NTM: variants seen among roughly 807,000 people sequenced by gnomAD.
NTM encodes the protein IgLON family member 2.
Under a neutral mutation model 42.1 loss-of-function variants are expected in NTM, and 13 were observed. The observed-to-expected ratio is 0.31, with a 90% CI of 0.20 to 0.49. The LOEUF (loss-of-function observed/expected upper bound fraction) is 0.49. Among genes scored for constraint, NTM ranks in the 20% least tolerant of loss-of-function variants. The pLI, the probability that NTM is intolerant of heterozygous loss-of-function variation, is 0.99. For missense variants in NTM, 373 were observed against 452.8 expected (o/e 0.82, Z 1.60); for synonymous variants, 187 against 179.2 (o/e 1.04, Z -0.35).
chr11:131,621,363 G>C (rs1461755026), intron 1 of NTM, among the ~76,000 whole-genome samples: 1 of 152,172 alleles, frequency 6.6e-6, no homozygotes, highest in African/African-American at 2.4e-5. Context: ...GAGATGAAGA[G>C]GGGAGAGGAG....
At chr11:132,124,239 G>C (rs568585618) in intron 2 of NTM, among the ~76,000 whole-genome samples, 1 of 152,102 alleles carries the variant, frequency 6.6e-6, no homozygotes, top group Admixed American at 6.5e-5. Context: ...TCTACTTCCC[G>C]GTGTCTCCTG....
intron 1 of NTM, among the ~76,000 whole-genome samples, chr11:131,511,956 C>A (rs1249938959): frequency 2.0e-5 from 3 of 152,144 alleles, no homozygotes; most frequent in Non-Finnish European, 4.4e-5. Flanking sequence ...ATTCTATGGT[C>A]CAGAATTTCC....
intron 1 of NTM, among the ~76,000 whole-genome samples, chr11:131,755,506 AAGT>A (rs1437784117): frequency 6.6e-6 from 1 of 152,226 alleles, no homozygotes; most frequent in Non-Finnish European, 1.5e-5. Flanking sequence ...AATAAACAAT[AAGT>A]AGTTTTAGTA....
intron 2 of NTM, among the ~76,000 whole-genome samples, chr11:132,051,847 A>T (rs546775544): frequency 6.6e-6 from 1 of 152,218 alleles, no homozygotes; most frequent in Non-Finnish European, 1.5e-5. Flanking sequence ...TGGAGAATGC[A>T]TCAAAGCTGG....
intron 1 of NTM, among the ~76,000 whole-genome samples, chr11:131,639,640 G>A (rs529774542): frequency 1.3e-5 from 2 of 152,144 alleles, no homozygotes; most frequent in Admixed American, 6.5e-5. Flanking sequence ...CCTGTCTTGG[G>A]AGAGGCTGGT....
chr11:132,037,138 G>A (rs1340234729), intron 2 of NTM, among the ~76,000 whole-genome samples: 4 of 152,110 alleles, frequency 2.6e-5, no homozygotes, highest in Non-Finnish European at 4.4e-5. Context: ...TTGGACCACC[G>A]GGATGGATCC....
chr11:131,504,844 C>T (rs996073016), intron 1 of NTM, among the ~76,000 whole-genome samples: 6 of 152,142 alleles, frequency 3.9e-5, no homozygotes, highest in Non-Finnish European at 7.3e-5. Flanking sequence ...TGCCTGCCTG[C>T]ACCCCGCTCC....
At chr11:131,876,773 C>T (rs977657220) in intron 1 of NTM, among the ~76,000 whole-genome samples, 3 of 152,128 alleles carry the variant, frequency 2.0e-5, no homozygotes, top group Admixed American at 6.5e-5. Flanking sequence ...ATGCTAGAAC[C>T]GTAGTGCAAA....
chr11:131,570,711 C>T (rs900859206), intron 1 of NTM, among the ~76,000 whole-genome samples: 2 of 152,142 alleles, frequency 1.3e-5, no homozygotes, highest in African/African-American at 2.4e-5. Context: ...TAGTCCCAGC[C>T]ACGCAGGAGC....
chr11:131,789,637 A>AGAAGG (rs2090488568), intron 1 of NTM, among the ~76,000 whole-genome samples: 2 of 24,396 alleles, frequency 8.2e-5, no homozygotes, highest in African/African-American at 1.4e-4. Flanking sequence ...AGAAGAAGAA[A>AGAAGG]AGAAGAAGAA....
chr11:131,445,689 C>T (rs1950003017), intron 1 of NTM, among the ~76,000 whole-genome samples: 1 of 152,154 alleles, frequency 6.6e-6, no homozygotes, highest in Admixed American at 6.5e-5. Context: ...AAATGATGAG[C>T]CTGGCAAGCA....
chr11:132,233,446 T>A (rs2088064681), intron 4 of NTM, among the ~76,000 whole-genome samples: 2 of 152,196 alleles, frequency 1.3e-5, no homozygotes, highest in Admixed American at 1.3e-4. Flanking sequence ...TCATTTCATG[T>A]CACTAGGGAT....
At chr11:131,984,418 G>C (rs1338401414) in intron 2 of NTM, 1 of 152,190 alleles carries the variant, frequency 6.6e-6, no homozygotes, top group East Asian at 1.9e-4. Flanking sequence ...TGATATTTTT[G>C]CCCCGGCAGT....
chr11:131,619,229 G>T (rs531662324), intron 1 of NTM, among the ~76,000 whole-genome samples: 2 of 152,198 alleles, frequency 1.3e-5, no homozygotes, highest in Admixed American at 6.5e-5. Flanking sequence ...GAAAGTGGAG[G>T]CAGTCAAATG....
intron 1 of NTM, among the ~76,000 whole-genome samples, chr11:131,390,904 G>T (rs181100116): frequency 4.6e-5 from 7 of 152,240 alleles, no homozygotes; most frequent in Admixed American, 4.6e-4. Context: ...AGCAGACCTG[G>T]TTACCTGGCC....
rs1178415921 is a variant in NTM at position 131,878,588 on chromosome 11, AAAAAAAATATATATATATATATATAT to A, written c.83-32974_83-32949del. On this transcript the variant is annotated intron_variant, in intron 1 of 8. Coordinates refer to ENST00000683400, the MANE Select transcript of NTM (RefSeq NM_001352005.2). ...CCATCTCAAAAAAAAAAAAAAAAAA[AAAAAAAATATATATATATATATATAT>A]ATATATATATATATATATATATATA... Among the ~76,000 whole-genome samples the A allele has an allele frequency of 5.2e-4, 28 of 54,110 alleles. 2 individuals are homozygous for A. Among genetic ancestry groups the A allele is most frequent in the East Asian group, 3.6e-3 (5 of 1,394 alleles). 35.5% of individuals were successfully genotyped at this position (54,110 alleles called of 152,430 possible).
At chr11:131,573,377 C>T (rs182563754) in intron 1 of NTM, among the ~76,000 whole-genome samples, 83 of 152,308 alleles carry the variant, frequency 5.4e-4, no homozygotes, top group Middle Eastern at 6.8e-3. Context: ...TAAAGTGCCT[C>T]ACAGTAGAAA....
At position 131,803,646 on chromosome 11, in the gene NTM, A is replaced by G. The variant is rs142130867; in HGVS notation, c.83-107918A>G. Among the ~76,000 whole-genome samples, 34 of 152,320 alleles carry G rather than the reference A, an allele frequency of 2.2e-4. No homozygotes were observed. The East Asian group carries it at 5.0e-3, about 23-fold the overall frequency. ...ATTAATTATCAAATAAACTGGCTGAATCTCAAGCCAACCTACTTGTTTCTG... is the reference window on the plus strand; with the variant it reads ...ATTAATTATCAAATAAACTGGCTGAGTCTCAAGCCAACCTACTTGTTTCTG... On this transcript the variant is annotated intron_variant, in intron 1 of 8. Transcript: ENST00000683400.
intron 2 of NTM, among the ~76,000 whole-genome samples, chr11:132,037,403 A>G (rs1201280503): frequency 6.6e-6 from 1 of 152,076 alleles, no homozygotes; most frequent in African/African-American, 2.4e-5. Context: ...ACCTTTTTTC[A>G]TTATAATCCA....
Sources: gnomAD v4.1 joint callset for allele counts (sites outside exome capture counted in the v4.1 genomes callset) on GRCh38, gnomAD v4.1.1 for gene constraint, MANE v1.5 for transcripts, NCBI Gene and HGNC (gene_info 2026-07-23, HGNC 2026-07-21) for gene names.